GARNL3: variants seen among roughly 807,000 people sequenced by gnomAD.
GARNL3 encodes GTPase-activating Rap/Ran-GAP domain-like protein 3.
In GARNL3, 63 loss-of-function variants were observed where a neutral mutation model predicts 125.0. The ratio of observed to expected loss-of-function variants is 0.50; its 90% CI spans 0.41 to 0.62. The LOEUF (loss-of-function observed/expected upper bound fraction) is 0.62, where lower values mean the gene tolerates loss of function less well. Ranked by LOEUF, GARNL3 falls within the 20% of genes least tolerant of loss-of-function variation. The pLI is 0.00. For missense variants in GARNL3, 994 were observed against 1,244.0 expected (o/e 0.80, Z 3.02); for synonymous variants, 439 against 457.5 (o/e 0.96, Z 0.52).
At chr9:127,264,772 C>T, upstream of GARNL3, 3 of 1,284,834 alleles carry the variant, frequency 2.3e-6, no homozygotes, top group Non-Finnish European at 3.0e-6. Flanking sequence ...TCCATGAAAG[C>T]CAGGCTCTGC....
intron 17 of GARNL3, among the ~76,000 whole-genome samples, chr9:127,352,576 G>C (rs2131656100): frequency 6.6e-6 from 1 of 152,292 alleles, no homozygotes; most frequent in East Asian, 1.9e-4. Flanking sequence ...AAAAGTGGTT[G>C]ATGAGCTATC....
Position 127,367,575 on chromosome 9 carries a change from T to TAAA in GARNL3, c.2161+2210_2161+2212dup, listed in dbSNP as rs1831352277. Among the ~76,000 whole-genome samples, 2 of 152,190 alleles carry TAAA rather than the reference T, an allele frequency of 1.3e-5. 1 individual carries two copies. The highest frequency in any genetic ancestry group is 4.1e-4 in the South Asian group (2 of 4,832). ...ACTAATATTGGGTTTTTTAAATAAT[T>TAAA]AAACTCTATTTTTATTACCAGAATC... On this transcript the variant is annotated intron_variant, in intron 22 of 27. Coordinates refer to ENST00000373387, the MANE Select transcript of GARNL3 (RefSeq NM_032293.5).
At chr9:127,312,201 C>A (rs2065116498) in intron 3 of GARNL3, among the ~76,000 whole-genome samples, 1 of 152,160 alleles carries the variant, frequency 6.6e-6, no homozygotes, top group African/African-American at 2.4e-5. Flanking sequence ...TCAACCATGA[C>A]AAGTATTTAT....
At chr9:127,311,595 C>A in intron 2 of GARNL3, 41 bp from the exon 3 acceptor site, 1 of 1,365,898 alleles carries the variant, frequency 7.3e-7, no homozygotes, top group Non-Finnish European at 1.0e-6. Flanking sequence ...TGTTTACTTT[C>A]TGAATAAGCC....
chr9:127,352,206 G>A (rs940348148), intron 17 of GARNL3, among the ~76,000 whole-genome samples: 11 of 152,098 alleles, frequency 7.2e-5, no homozygotes, highest in African/African-American at 2.4e-4. Context: ...CACAGGCTTG[G>A]GCTCCACATC....
At chr9:127,249,217 G>A (rs888432444) in intron 2 of GARNL3, among the ~76,000 whole-genome samples, 1 of 152,196 alleles carries the variant, frequency 6.6e-6, no homozygotes, top group Admixed American at 6.5e-5. Context: ...AGTAAAAATG[G>A]AAAGGGGAAG....
chr9:127,296,764 C>T (rs1347276730), intron 2 of GARNL3, among the ~76,000 whole-genome samples: 1 of 151,786 alleles, frequency 6.6e-6, no homozygotes, highest in Non-Finnish European at 1.5e-5. Context: ...AACCACCACG[C>T]CTGGCCAGGT....
Position 127,303,844 on chromosome 9 carries a change from CT to C in GARNL3, c.220-7791del, listed in dbSNP as rs571407654. On this transcript the variant is annotated intron_variant, in intron 2 of 27. Transcript: ENST00000373387. ...AATATCCTGGCCAGATTCAGTCTTCCTCCGTCACATCCCACAAGTATAAGTA... is the reference window on the plus strand; with the variant it reads ...AATATCCTGGCCAGATTCAGTCTTCCCCGTCACATCCCACAAGTATAAGTA... Among the ~76,000 whole-genome samples, 117 of 152,210 alleles carry C rather than the reference CT, an allele frequency of 7.7e-4. 1 individual carries two copies. Among genetic ancestry groups the C allele is most frequent in the Middle Eastern group, 3.4e-3 (1 of 294 alleles).
intron 4 of GARNL3, 55 bp downstream of exon 4, chr9:127,313,614 A>T: frequency 2.6e-6 from 3 of 1,134,092 alleles, no homozygotes; most frequent in Non-Finnish European, 4.0e-6. Context: ...TCAGGAGATA[A>T]CCCCTGTGCT....
In GARNL3 at chr9:127,320,802, T is replaced by C. The variant is rs765541978; in HGVS notation, c.567+24T>C. The C allele has an allele frequency of 8.1e-6, 12 of 1,476,926 alleles. No homozygotes were observed. In the Admixed American group the frequency reaches 1.8e-4, roughly 23 times the overall value. 91.5% of individuals were successfully genotyped at this position (1,476,926 alleles called of 1,614,324 possible). A position where few individuals can be genotyped will look rare whatever the true frequency, so the allele number is the denominator to read the frequency against. On this transcript the variant is annotated intron_variant, in intron 6 of 27. Coordinates refer to ENST00000373387, the MANE Select transcript of GARNL3 (RefSeq NM_032293.5). ...AGGTAACAGAAAATTTTATGCTTCA[T>C]AATTGTACAAAATTGATTACAGTGT...
intron 9 of GARNL3, among the ~76,000 whole-genome samples, chr9:127,333,692 T>C (rs907702542): frequency 6.6e-6 from 1 of 152,022 alleles, no homozygotes; most frequent in Non-Finnish European, 1.5e-5. Flanking sequence ...CATGAAGACC[T>C]TGTGGCAGAA....
At chr9:127,371,470 C>T (rs1831603666) in intron 22 of GARNL3, among the ~76,000 whole-genome samples, 1 of 152,188 alleles carries the variant, frequency 6.6e-6, no homozygotes. Context: ...CTGGTGCAGG[C>T]TGTGTGTGTC....
rs1039540084 is a variant in GARNL3, at chr9:127,384,884, G to C, written c.2270-143G>C. On this transcript the variant is annotated intron_variant, in intron 23 of 27. Transcript: ENST00000373387. This position sits in a 1 kb window ranked among gnomAD's most constrained non-coding sequence, Gnocchi z 4.0. ...GGCTACCTTAGGATCAGGGTGACTT[G>C]CACATGTGAAGGAAGGAGAGAAGCA... 1 of 541,314 alleles carries C rather than the reference G, an allele frequency of 1.8e-6. No homozygotes were observed. The highest frequency in any genetic ancestry group is 3.3e-6 in the Non-Finnish European group (1 of 299,278). The allele number at this position is 541,314 out of a possible 1,614,324, so 33.5% of individuals were successfully genotyped here. A position where few individuals can be genotyped will look rare whatever the true frequency, so the allele number is the denominator to read the frequency against.
intron 1 of GARNL3, among the ~76,000 whole-genome samples, chr9:127,231,324 G>A (rs1393681443): frequency 4.1e-5 from 6 of 146,128 alleles, no homozygotes; most frequent in East Asian, 2.0e-4. Flanking sequence ...CGCCCGCCTC[G>A]GCCTCCCAAC....
intron 2 of GARNL3, among the ~76,000 whole-genome samples, chr9:127,294,889 A>G (rs898708321): frequency 2.0e-5 from 3 of 152,160 alleles, no homozygotes; most frequent in Non-Finnish European, 2.9e-5. Context: ...ATACAAACAC[A>G]TAGAAGGATT....
Position 127,393,108 on chromosome 9 carries a change from G to C in GARNL3, c.2896G>C (p.Ala966Pro), listed in dbSNP as rs756214963. ...GATCCCATCAGGCTCCTTGGAAAGT[G>C]CTTCTACTTCCGAAGCCAACCCTGA... ...DRIPSGSLES[A>P]STSEANPEGH... Residue 966 changes from alanine to proline, a missense_variant, in exon 28 of 28, where the codon GCT (alanine) becomes CCT (proline). Ala to Pro is a conservative substitution (Grantham distance 27). Transcript: ENST00000373387. The C allele has an allele frequency of 6.2e-7, 1 of 1,606,232 alleles. No individual in the cohort carries two copies. The highest frequency in any genetic ancestry group is 1.7e-5 in the Admixed American group (1 of 59,878).
chr9:127,269,389 A>G (rs922544359), intron 1 of GARNL3, among the ~76,000 whole-genome samples: 19 of 152,348 alleles, frequency 1.2e-4, no homozygotes, highest in Non-Finnish European at 5.9e-5. Flanking sequence ...TGGTGTACAG[A>G]TACCTGTTGG....
chr9:127,233,617 G>A (rs944399050), intron 1 of GARNL3, among the ~76,000 whole-genome samples: 7 of 152,210 alleles, frequency 4.6e-5, no homozygotes, highest in African/African-American at 1.7e-4. Context: ...TTTAGCCATT[G>A]TGGGTGCAGA....
At position 127,388,084 on chromosome 9, in the gene GARNL3, T is replaced by A. The variant is rs537793782; in HGVS notation, c.2527+753T>A. Among the ~76,000 whole-genome samples the A allele has an allele frequency of 4.6e-5, 7 of 152,214 alleles. No individual in the cohort carries two copies. The East Asian group carries it at 9.7e-4, about 21-fold the overall frequency. The stretch of plus-strand genomic sequence containing the variant: ...TCACCTGAGCAGCGGAGGTCAAGGC[T>A]GCATTGAGCCGGGATTGCACCTCTG... On this transcript the variant is annotated intron_variant, in intron 25 of 27. Coordinates refer to ENST00000373387, the MANE Select transcript of GARNL3 (RefSeq NM_032293.5).
Sources: allele counts gnomAD v4.1 joint callset (sites outside exome capture counted in the v4.1 genomes callset), GRCh38; gene constraint gnomAD v4.1.1; non-coding constraint Gnocchi (gnomAD v3.1); transcripts MANE v1.5; gene names NCBI Gene and HGNC (gene_info 2026-07-23, HGNC 2026-07-21).